Variants in RIMS2 observed in about 807,000 individuals in gnomAD.
RIMS2 encodes regulating synaptic membrane exocytosis protein 2.
A neutral mutation model predicts 174.4 loss-of-function variants in RIMS2; 59 were observed. The ratio of observed to expected loss-of-function variants is 0.34; its 90% CI spans 0.27 to 0.42. The LOEUF (loss-of-function observed/expected upper bound fraction) is 0.42. RIMS2 is among the 10% of genes least tolerant of loss of function. RIMS2 has a pLI of 1.00. For missense variants in RIMS2, 1,620 were observed against 1,666.3 expected, an observed-to-expected ratio of 0.97 and a Z score of 0.48; for synonymous variants, 606 against 572.5, an observed-to-expected ratio of 1.06 and a Z score of -0.84.
intron 1 of RIMS2, among the ~76,000 whole-genome samples, chr8:103,541,319 A>G (rs1040962507): frequency 4.9e-4 from 75 of 152,236 alleles, no homozygotes; most frequent in African/African-American, 1.7e-3. Context: ...ACAAGCCAGG[A>G]AAGAATGGGA....
chr8:104,071,496 A>G (rs557106593), intron 19 of RIMS2, among the ~76,000 whole-genome samples: 4 of 152,034 alleles, frequency 2.6e-5, no homozygotes, highest in Non-Finnish European at 5.9e-5. Flanking sequence ...GTGCAGTGGC[A>G]CCATATCAGC....
intron 1 of RIMS2, among the ~76,000 whole-genome samples, chr8:103,513,491 A>T (rs888845810): frequency 6.6e-6 from 1 of 152,234 alleles, no homozygotes; most frequent in Non-Finnish European, 1.5e-5. Context: ...AACTCTTAGC[A>T]GGGTTAGGAC....
chr8:103,553,951 A>G (rs1021328238), intron 1 of RIMS2, among the ~76,000 whole-genome samples: 7 of 48,746 alleles, frequency 1.4e-4, no homozygotes, highest in Admixed American at 1.3e-3. Flanking sequence ...AGCAGTGGGA[A>G]AAGGACCCCC....
chr8:103,863,115 T>G (rs1463798063), intron 3 of RIMS2, among the ~76,000 whole-genome samples: 3 of 152,134 alleles, frequency 2.0e-5, no homozygotes, highest in African/African-American at 7.2e-5. Context: ...CATAAATAGC[T>G]CTTATTATTT....
intron 2 of RIMS2, among the ~76,000 whole-genome samples, chr8:103,724,209 G>C (rs1251159464): frequency 2.0e-5 from 3 of 152,064 alleles, no homozygotes; most frequent in Non-Finnish European, 2.9e-5. Context: ...CTCTTACCTG[G>C]ATTCCTTAGC....
chr8:103,584,064 G>A (rs1486599053), intron 1 of RIMS2, among the ~76,000 whole-genome samples: 1 of 152,022 alleles, frequency 6.6e-6, no homozygotes, highest in Non-Finnish European at 1.5e-5. Context: ...CAAAGGTCAA[G>A]GATAAAGAAA....
intron 1 of RIMS2, among the ~76,000 whole-genome samples, chr8:103,633,142 T>G (rs1210790283): frequency 6.6e-6 from 1 of 151,372 alleles, no homozygotes; most frequent in Non-Finnish European, 1.5e-5. Flanking sequence ...TTCTCCTGCC[T>G]CAGCCTCCTG....
At chr8:103,533,447 G>T (rs916521929) in intron 1 of RIMS2, among the ~76,000 whole-genome samples, 3 of 152,048 alleles carry the variant, frequency 2.0e-5, no homozygotes, top group Admixed American at 2.0e-4. Flanking sequence ...TGAATAGTCA[G>T]TGTGGAACAA....
chr8:103,707,754 C>A (rs1334286945), intron 2 of RIMS2, among the ~76,000 whole-genome samples: 3 of 152,178 alleles, frequency 2.0e-5, no homozygotes, highest in Non-Finnish European at 4.4e-5. Context: ...GCCCAAGGAC[C>A]CTGGCCACTA....
At chr8:103,839,615 T>G (rs1413836408) in intron 3 of RIMS2, among the ~76,000 whole-genome samples, 1 of 152,164 alleles carries the variant, frequency 6.6e-6, no homozygotes, top group East Asian at 1.9e-4. Context: ...ACTTCTGAAA[T>G]TTTTCTTCAA....
intron 3 of RIMS2, among the ~76,000 whole-genome samples, chr8:103,884,849 A>G (rs1484502562): frequency 6.6e-6 from 1 of 151,902 alleles, no homozygotes; most frequent in African/African-American, 2.4e-5. Flanking sequence ...TTAGTCAGAA[A>G]GTATTCAACT....
chr8:104,178,640 C>T (rs1464403758), intron 19 of RIMS2, among the ~76,000 whole-genome samples: 2 of 152,204 alleles, frequency 1.3e-5, no homozygotes, highest in East Asian at 1.9e-4. Context: ...TACCATACAA[C>T]GTCAGCAACA....
chr8:104,228,194 A>G (rs2099201289), intron 19 of RIMS2, among the ~76,000 whole-genome samples: 1 of 151,644 alleles, frequency 6.6e-6, no homozygotes, highest in Non-Finnish European at 1.5e-5. Flanking sequence ...ATGCCTGGCT[A>G]ATTTTTTGTA....
chr8:103,671,340 C>T lies in RIMS2; in HGVS notation c.177-25746C>T, dbSNP rs141685192. 5.8e-4 allele frequency among the ~76,000 whole-genome samples: 88 copies of T among 152,242 alleles called. 1 individual carries two copies. The highest frequency in any genetic ancestry group is 1.2e-3 in the South Asian group (6 of 4,826). On this transcript the variant is annotated intron_variant, in intron 1 of 23. Coordinates refer to ENST00000504942, the Ensembl canonical transcript of RIMS2. ...TTTGACTTGCATCATGGAGTTCATT[C>T]GAATAGCACATCTTAATAATTTCAG...
chr8:103,625,567 G>A (rs1002924785), intron 1 of RIMS2, among the ~76,000 whole-genome samples: 8 of 151,962 alleles, frequency 5.3e-5, no homozygotes, highest in Admixed American at 3.3e-4. Flanking sequence ...AACATATAAA[G>A]GGAGAATTAT....
intron 14 of RIMS2, among the ~76,000 whole-genome samples, chr8:103,948,818 T>C (rs546143970): frequency 6.6e-6 from 1 of 152,162 alleles, no homozygotes; most frequent in Non-Finnish European, 1.5e-5. Flanking sequence ...TTATGTTATA[T>C]AAATTATACC....
chr8:103,825,131 A>G (rs1309582228), intron 3 of RIMS2, among the ~76,000 whole-genome samples: 1 of 151,796 alleles, frequency 6.6e-6, no homozygotes, highest in Non-Finnish European at 1.5e-5. Flanking sequence ...GTCAATACCC[A>G]CTCCCCTCAG....
chr8:103,875,602 A>G lies in RIMS2; in HGVS notation c.699-9696A>G, dbSNP rs533813701. ...AGGTGTCTTTTTAATATAATGACTT[A>G]TTTTCCTTTGGATAGATACTCTCAG... On this transcript the variant is annotated intron_variant, in intron 3 of 23. Coordinates refer to ENST00000504942, the Ensembl canonical transcript of RIMS2. Among the ~76,000 whole-genome samples, 7 of 151,992 alleles carry G rather than the reference A, an allele frequency of 4.6e-5. No homozygotes were observed. In the East Asian group the frequency reaches 1.4e-3, roughly 29 times the overall value.
At chr8:103,763,441 A>G (rs1413297969) in intron 2 of RIMS2, among the ~76,000 whole-genome samples, 1 of 127,146 alleles carries the variant, frequency 7.9e-6, no homozygotes, top group African/African-American at 3.0e-5. Flanking sequence ...GTTTCAAGGA[A>G]AAAAAAAAAG....
Sources: gnomAD v4.1 joint callset for allele counts (sites outside exome capture counted in the v4.1 genomes callset) on GRCh38, gnomAD v4.1.1 for gene constraint, MANE v1.5 for transcripts, NCBI Gene and HGNC (gene_info 2026-07-23, HGNC 2026-07-21) for gene names.